The following DLGAP2 variants were observed in gnomAD, a reference collection of about 807,000 sequenced individuals.
DLGAP2 encodes the protein disks large-associated protein 2.
In DLGAP2, 26 loss-of-function variants were observed where a neutral mutation model predicts 100.3. The ratio of observed to expected loss-of-function variants is 0.26; its 90% CI spans 0.19 to 0.36. The LOEUF (loss-of-function observed/expected upper bound fraction) is 0.36, where lower values mean the gene tolerates loss of function less well. Ranked by LOEUF, DLGAP2 falls within the 10% of genes least tolerant of loss-of-function variation. The pLI is 1.00. For synonymous variants in DLGAP2, 886 were observed against 630.1 expected (o/e 1.41, Z -6.08); for missense variants, 1,858 against 1,453.2 (o/e 1.28, Z -4.53).
intron 11 of DLGAP2, 23 bp from the exon 12 acceptor site, chr8:1,678,191 G>T (rs1040925369): frequency 2.5e-6 from 4 of 1,589,480 alleles, no homozygotes; most frequent in Non-Finnish European, 3.4e-6. Flanking sequence ...GCTACCATCT[G>T]TCTTCCTTCC....
At chr8:1,460,456 C>T (rs1232107751) in intron 3 of DLGAP2, among the ~76,000 whole-genome samples, 1 of 152,172 alleles carries the variant, frequency 6.6e-6, no homozygotes, top group East Asian at 1.9e-4. Context: ...ATTAACATGT[C>T]GCTTTACTGA....
intron 2 of DLGAP2, among the ~76,000 whole-genome samples, chr8:994,477 G>C (rs1800730361): frequency 6.6e-6 from 1 of 152,208 alleles, no homozygotes; most frequent in Non-Finnish European, 1.5e-5. Context: ...TGGGATTACA[G>C]GCATGAGCCA....
intron 3 of DLGAP2, among the ~76,000 whole-genome samples, chr8:1,350,070 C>G (rs1489600304): frequency 6.6e-6 from 1 of 152,158 alleles, no homozygotes; most frequent in Non-Finnish European, 1.5e-5. Flanking sequence ...CGATATTAAA[C>G]CATTTATAAG....
At chr8:1,366,053 C>T (rs551585454) in intron 3 of DLGAP2, among the ~76,000 whole-genome samples, 5 of 152,350 alleles carry the variant, frequency 3.3e-5, no homozygotes, top group African/African-American at 9.6e-5. Context: ...GAACCGCAGC[C>T]GGGCAGGGGC....
At chr8:1,238,588 A>C (rs1445058975) in intron 2 of DLGAP2, among the ~76,000 whole-genome samples, 1 of 54,542 alleles carries the variant, frequency 1.8e-5, no homozygotes, top group African/African-American at 7.9e-5. Context: ...GTGTCTAGTT[A>C]CCTATCACAT....
At chr8:1,592,580 C>A (rs976371131) in intron 6 of DLGAP2, among the ~76,000 whole-genome samples, 1 of 152,102 alleles carries the variant, frequency 6.6e-6, no homozygotes, top group East Asian at 1.9e-4. Flanking sequence ...GTTCCCACCA[C>A]GGATTTCCTT....
chr8:1,568,484 C>T (rs1347257481), intron 6 of DLGAP2, among the ~76,000 whole-genome samples: 1 of 137,680 alleles, frequency 7.3e-6, no homozygotes, highest in African/African-American at 2.8e-5. Flanking sequence ...GACACAAATC[C>T]GTCTCTGCCC....
intron 8 of DLGAP2, among the ~76,000 whole-genome samples, chr8:1,646,142 G>A (rs574914955): frequency 6.6e-6 from 1 of 152,114 alleles, no homozygotes; most frequent in Non-Finnish European, 1.5e-5. Flanking sequence ...GGGTGGACGA[G>A]GTGAAGCAGA....
At chr8:1,650,306 G>C (rs931979559) in intron 8 of DLGAP2, among the ~76,000 whole-genome samples, 1 of 152,236 alleles carries the variant, frequency 6.6e-6, no homozygotes, top group Non-Finnish European at 1.5e-5. Context: ...TACATGAAGA[G>C]ATAATCATGT....
chr8:1,092,566 T>A (rs988807494), intron 2 of DLGAP2, among the ~76,000 whole-genome samples: 18 of 152,194 alleles, frequency 1.2e-4, no homozygotes, highest in African/African-American at 4.3e-4. Context: ...CTCTGTGGCA[T>A]CCACAGGTGG....
chr8:958,955 G>C (rs1563114398), intron 2 of DLGAP2, among the ~76,000 whole-genome samples: 1 of 152,130 alleles, frequency 6.6e-6, no homozygotes, highest in African/African-American at 2.4e-5. Context: ...TTGGTGTGTG[G>C]GCTTTTGAAG....
chr8:916,515 G>A lies in DLGAP2; in HGVS notation c.73+8549G>A, dbSNP rs191798273. On this transcript the variant is annotated intron_variant, in intron 2 of 14. Transcript: ENST00000637795. ...CACAGGAAGGGGAACATCACACACC[G>A]GGGCCTGTTGAGGGATAGCATTAGG... Among the ~76,000 whole-genome samples the A allele has an allele frequency of 4.5e-4, 68 of 152,248 alleles. 1 individual carries two copies. In the East Asian group the frequency reaches 0.01, roughly 23 times the overall value.
At chr8:1,321,521 G>A (rs1034025485) in intron 3 of DLGAP2, among the ~76,000 whole-genome samples, 6 of 152,228 alleles carry the variant, frequency 3.9e-5, no homozygotes, top group South Asian at 2.1e-4. Flanking sequence ...TGTCATGGGA[G>A]GACTTGTTCA....
chr8:863,309 C>T (rs1797427836), intron 1 of DLGAP2, among the ~76,000 whole-genome samples: 1 of 152,226 alleles, frequency 6.6e-6, no homozygotes, highest in East Asian at 1.9e-4. Flanking sequence ...GTAAGTAAAC[C>T]CTCAAGTCAT....
intron 6 of DLGAP2, among the ~76,000 whole-genome samples, chr8:1,601,767 G>C (rs777909153): frequency 8.5e-5 from 13 of 152,244 alleles, no homozygotes; most frequent in African/African-American, 1.4e-4. Flanking sequence ...GAGCTCTCTC[G>C]TAGCTTAGGG....
intron 4 of DLGAP2, among the ~76,000 whole-genome samples, chr8:1,546,333 C>G (rs968429181): frequency 2.6e-5 from 4 of 152,184 alleles, no homozygotes; most frequent in African/African-American, 9.7e-5. Flanking sequence ...GGAGAAACAG[C>G]CCCACACCTT....
At chr8:1,350,288 G>C (rs1297379756) in intron 3 of DLGAP2, among the ~76,000 whole-genome samples, 15 of 74,934 alleles carry the variant, frequency 2.0e-4, no homozygotes, top group East Asian at 7.4e-4. Flanking sequence ...CGGGTCCTGA[G>C]CGTGCGTGGA....
intron 2 of DLGAP2, among the ~76,000 whole-genome samples, chr8:1,172,770 T>C (rs2116680888): frequency 6.6e-6 from 1 of 152,358 alleles, no homozygotes; most frequent in South Asian, 2.1e-4. Flanking sequence ...TTGGTTATTC[T>C]AGTTATACAT....
intron 2 of DLGAP2, among the ~76,000 whole-genome samples, chr8:999,939 G>C (rs1800897997): frequency 6.6e-6 from 1 of 150,438 alleles, no homozygotes; most frequent in African/African-American, 2.4e-5. Flanking sequence ...GTTTTCTTTT[G>C]CACTGGATTT....
Sources: gnomAD v4.1 joint callset for allele counts (sites outside exome capture counted in the v4.1 genomes callset) on GRCh38, gnomAD v4.1.1 for gene constraint, MANE v1.5 for transcripts, NCBI Gene and HGNC (gene_info 2026-07-23, HGNC 2026-07-21) for gene names.